BIRC6: variants seen among roughly 807,000 people sequenced by gnomAD.
The protein encoded by BIRC6 is dual E2 ubiquitin-conjugating enzyme/E3 ubiquitin-protein ligase BIRC6.
Under a neutral mutation model 503.3 loss-of-function variants are expected in BIRC6, and 98 were observed. That is an observed-to-expected ratio of 0.19 (90% CI 0.17 to 0.23). The LOEUF is 0.23. Among genes scored for constraint, BIRC6 ranks in the 10% least tolerant of loss-of-function variants. BIRC6 has a pLI of 1.00. For missense variants in BIRC6, 5,360 were observed against 5,806.0 expected (o/e 0.92, Z 2.50); for synonymous variants, 2,240 against 2,078.7 (o/e 1.08, Z -2.11).
At chr2:32,470,023 C>T in intron 30 of BIRC6, 145 bp from the exon 31 acceptor site, 1 of 696,848 alleles carries the variant, frequency 1.4e-6, no homozygotes, top group Non-Finnish European at 2.1e-6. Flanking sequence ...AGATACAAAT[C>T]TTGCTTTCCC....
intron 66 of BIRC6, among the ~76,000 whole-genome samples, chr2:32,576,505 G>A (rs1031081402): frequency 1.1e-4 from 17 of 152,266 alleles, no homozygotes; most frequent in African/African-American, 4.1e-4. Context: ...ACTGTTAATG[G>A]AAGTTTACTC....
At chr2:32,401,761 A>T (rs1057404409) in intron 8 of BIRC6, 138 bp downstream of exon 8, 1 of 698,844 alleles carries the variant, frequency 1.4e-6, no homozygotes, top group African/African-American at 1.8e-5. Flanking sequence ...GTTTGGTTAG[A>T]AATCTGAAAT....
intron 10 of BIRC6, among the ~76,000 whole-genome samples, chr2:32,425,940 G>T (rs978610934): frequency 6.6e-6 from 1 of 152,274 alleles, no homozygotes; most frequent in African/African-American, 2.4e-5. Context: ...TCAGGGCTGA[G>T]TATGGAGGGG....
intron 10 of BIRC6, among the ~76,000 whole-genome samples, chr2:32,427,253 A>G (rs1277150841): frequency 6.6e-6 from 1 of 151,780 alleles, no homozygotes; most frequent in Admixed American, 6.6e-5. Flanking sequence ...TCTGTCCTGT[A>G]GGTCTCCAAG....
intron 65 of BIRC6, among the ~76,000 whole-genome samples, chr2:32,572,300 C>G (rs1392829996): frequency 6.6e-6 from 1 of 152,160 alleles, no homozygotes; most frequent in African/African-American, 2.4e-5. Flanking sequence ...AATTATCTTT[C>G]TAGTGCTGTG....
Position 32,617,846 on chromosome 2 carries a change from T to C in BIRC6, c.14516T>C (p.Met4839Thr), listed in dbSNP as rs1394976486. ...RATTGAEETLMHDQVKPSSSK... is the reference protein window; with the variant it reads ...RATTGAEETLTHDQVKPSSSK... ...ACAACAGGTGCTGAGGAGACTCTAA[T>C]GCATGATCAGGTTAAACCCAGCAGC... The change falls in exon 74 of 74, where the codon ATG becomes ACG. Residue 4839 changes from methionine (M) to threonine (T), a missense_variant. Around this residue, in one of 16 missense-constraint regions of BIRC6, gnomAD observed 140 missense variants for 130.2 expected, o/e 1.07. Coordinates refer to ENST00000421745, the MANE Select transcript of BIRC6 (RefSeq NM_016252.4). The C allele has an allele frequency of 6.2e-7, 1 of 1,613,986 alleles. No individual in the cohort carries two copies. The highest frequency in any genetic ancestry group is 8.5e-7 in the Non-Finnish European group (1 of 1,179,868).
intron 29 of BIRC6, 130 bp from the exon 30 acceptor site, chr2:32,469,265 A>G (rs2148967817): frequency 1.4e-6 from 1 of 726,720 alleles, no homozygotes; most frequent in Non-Finnish European, 2.2e-6. Context: ...GAGTAAATAC[A>G]TTGCAGAATA....
chr2:32,409,103 A>T (rs1380659934), intron 9 of BIRC6, among the ~76,000 whole-genome samples: 3 of 152,196 alleles, frequency 2.0e-5, no homozygotes, highest in Non-Finnish European at 2.9e-5. Context: ...GATTTTCATC[A>T]AATTGGATGA....
chr2:32,519,603 C>T (rs1214548592), intron 57 of BIRC6, among the ~76,000 whole-genome samples: 1 of 152,102 alleles, frequency 6.6e-6, no homozygotes, highest in African/African-American at 2.4e-5. Context: ...ACAACCTGTG[C>T]CTCCCATGTT....
chr2:32,397,721 C>T (rs1353029573), intron 6 of BIRC6, among the ~76,000 whole-genome samples: 3 of 143,398 alleles, frequency 2.1e-5, no homozygotes, highest in Admixed American at 1.4e-4. Flanking sequence ...CACATATATA[C>T]ACCATTTTAG....
intron 66 of BIRC6, among the ~76,000 whole-genome samples, chr2:32,589,484 A>T (rs1376458598): frequency 2.6e-5 from 4 of 152,022 alleles, no homozygotes; most frequent in South Asian, 2.1e-4. Context: ...CACTTTAGTT[A>T]AAAAAAATTT....
At chr2:32,421,521 C>T (rs571361490) in intron 10 of BIRC6, among the ~76,000 whole-genome samples, 1 of 152,234 alleles carries the variant, frequency 6.6e-6, no homozygotes, top group African/African-American at 2.4e-5. Context: ...AATTTTGATA[C>T]ATTGTGTTTT....
chr2:32,467,316 C>T (rs923096318), intron 26 of BIRC6, among the ~76,000 whole-genome samples: 13 of 152,258 alleles, frequency 8.5e-5, no homozygotes, highest in Middle Eastern at 6.8e-3. Context: ...TTTCTACTTA[C>T]GTCTTGGGGT....
rs1028330712 is a variant in BIRC6 at position 32,473,375 on chromosome 2, G to A, written c.6720+136G>A. ...CTTAGGAAAATCATCTAACACTTTGGAGACTTCAATTTCCTTAATTGTTAA... is the reference window on the plus strand; with the variant it reads ...CTTAGGAAAATCATCTAACACTTTGAAGACTTCAATTTCCTTAATTGTTAA... On this transcript the variant is annotated intron_variant, in intron 33 of 73. Transcript: ENST00000421745. The A allele has an allele frequency of 1.2e-5, 8 of 679,498 alleles. No homozygotes were observed. The African/African-American group carries it at 1.3e-4, about 11-fold the overall frequency. The allele number at this position is 679,498 out of a possible 1,614,324, so 42.1% of individuals were successfully genotyped here.
intron 1 of BIRC6, among the ~76,000 whole-genome samples, chr2:32,362,476 C>T (rs960734511): frequency 2.6e-5 from 4 of 151,832 alleles, no homozygotes; most frequent in African/African-American, 7.3e-5. Context: ...CCACCAGACC[C>T]GGCTAATTTT....
chr2:32,533,869 A>T (rs1386438490), intron 61 of BIRC6, among the ~76,000 whole-genome samples: 1 of 152,212 alleles, frequency 6.6e-6, no homozygotes, highest in Non-Finnish European at 1.5e-5. Flanking sequence ...ATTTTAAAAT[A>T]ATAAATTGTG....
intron 55 of BIRC6, among the ~76,000 whole-genome samples, chr2:32,516,831 T>A (rs1231987866): frequency 1.3e-5 from 2 of 152,134 alleles, no homozygotes; most frequent in Non-Finnish European, 2.9e-5. Flanking sequence ...GGGCTAGCAA[T>A]ACCTGCCTCA....
At chr2:32,475,525 A>G (rs1341305296) in intron 33 of BIRC6, among the ~76,000 whole-genome samples, 1 of 152,238 alleles carries the variant, frequency 6.6e-6, no homozygotes, top group Non-Finnish European at 1.5e-5. Flanking sequence ...TGTTGTGGAT[A>G]CATGAACTAA....
At chr2:32,418,413 A>G (rs1370482214) in intron 10 of BIRC6, among the ~76,000 whole-genome samples, 5 of 152,232 alleles carry the variant, frequency 3.3e-5, no homozygotes, top group African/African-American at 7.2e-5. Flanking sequence ...CTTATTAAGT[A>G]ATAGAGCTAA....
Sources: allele counts gnomAD v4.1 joint callset (sites outside exome capture counted in the v4.1 genomes callset), GRCh38; gene constraint gnomAD v4.1.1; regional missense constraint gnomAD v4.1.1; transcripts MANE v1.5; gene names NCBI Gene and HGNC (gene_info 2026-07-23, HGNC 2026-07-21).